COL8A1: variants seen among roughly 807,000 people sequenced by gnomAD.
COL8A1 encodes the protein collagen alpha-1(VIII) chain.
Under a neutral mutation model 42.7 loss-of-function variants are expected in COL8A1, and 21 were observed. The ratio of observed to expected loss-of-function variants is 0.49; its 90% confidence interval spans 0.35 to 0.71. The LOEUF is 0.71. Ranked by LOEUF, COL8A1 falls within the 30% of genes least tolerant of loss-of-function variation. The pLI is 0.01. For synonymous variants in COL8A1, 367 were observed against 369.1 expected (o/e 0.99, Z 0.06); for missense variants, 788 against 962.4 (o/e 0.82, Z 2.40).
In COL8A1 at chr3:99,796,485, A is replaced by G. The variant is rs1942110702; in HGVS notation, c.*349A>G. 1 of 180,906 alleles carries G rather than the reference A, an allele frequency of 5.5e-6. No homozygotes were observed. The highest frequency in any genetic ancestry group is 1.1e-5 in the Non-Finnish European group (1 of 87,630). 11.2% of individuals were successfully genotyped at this position (180,906 alleles called of 1,614,324 possible). On this transcript the variant is annotated 3_prime_UTR_variant, in exon 4 of 4. Transcript: ENST00000652472. ...AGTATGAAAGATCATAGCTAATGAA[A>G]GGCACTCACTCATATTGTTTACTTT...
At chr3:99,771,182 G>C (rs1315049975) in intron 2 of COL8A1, among the ~76,000 whole-genome samples, 2 of 152,162 alleles carry the variant, frequency 1.3e-5, no homozygotes, top group African/African-American at 2.4e-5. Context: ...ATAGGGATCT[G>C]TAAGTCACCA....
intron 1 of COL8A1, among the ~76,000 whole-genome samples, chr3:99,685,946 T>C (rs1487362279): frequency 6.6e-6 from 1 of 152,192 alleles, no homozygotes; most frequent in Admixed American, 6.5e-5. Context: ...CAATATTACA[T>C]AAAATACTTT....
At chr3:99,648,798 C>T (rs560009327) in intron 1 of COL8A1, among the ~76,000 whole-genome samples, 3 of 152,142 alleles carry the variant, frequency 2.0e-5, no homozygotes, top group East Asian at 1.9e-4. Context: ...CTCTTTGGCA[C>T]GACTTTTACC....
rs761702469 is a variant in COL8A1 at position 99,795,911 on chromosome 3, G to C, written c.2010G>C (p.Lys670Asn). ...VYYFAYHVHCKGGNVWVALFK... is the reference protein window; with the variant it reads ...VYYFAYHVHCNGGNVWVALFK... ...ACTTTGCATACCACGTTCACTGCAA[G>C]GGGGGCAACGTGTGGGTTGCTCTAT... Residue 670 changes from lysine (K) to asparagine (N), a missense_variant, in exon 4 of 4, where the codon AAG (lysine) becomes AAC (asparagine). Physicochemically the swap from Lys to Asn is moderately conservative, Grantham distance 94 (BLOSUM62 0). Around this residue, in one of 4 missense-constraint regions of COL8A1, gnomAD observed 212 missense variants for 210.9 expected, o/e 1.00. Transcript: ENST00000652472. 27 of 1,614,068 alleles carry C rather than the reference G, an allele frequency of 1.7e-5. No individual in the cohort carries two copies. Among genetic ancestry groups the C allele is most frequent in the Non-Finnish European group, 2.2e-5 (26 of 1,180,030 alleles).
intron 1 of COL8A1, among the ~76,000 whole-genome samples, chr3:99,693,175 C>T (rs1381237258): frequency 6.6e-6 from 1 of 152,044 alleles, no homozygotes; most frequent in East Asian, 1.9e-4. Flanking sequence ...GGCGACAGAG[C>T]GAGACTCTGT....
chr3:99,755,461 A>C (rs1941236256), intron 2 of COL8A1, among the ~76,000 whole-genome samples: 1 of 152,224 alleles, frequency 6.6e-6, no homozygotes, highest in Admixed American at 6.5e-5. Flanking sequence ...GCAGTGAATG[A>C]GGGCAAAAAT....
chr3:99,677,655 G>A (rs570494946), intron 1 of COL8A1: 7 of 152,088 alleles, frequency 4.6e-5, no homozygotes, highest in East Asian at 1.9e-4. Context: ...TGAATACTAC[G>A]TCAGGCAAGG....
chr3:99,766,358 C>T (rs974587033), intron 2 of COL8A1, among the ~76,000 whole-genome samples: 4 of 152,192 alleles, frequency 2.6e-5, no homozygotes, highest in African/African-American at 9.7e-5. Context: ...CCTGACAGCA[C>T]ATGATCCCCA....
intron 2 of COL8A1, among the ~76,000 whole-genome samples, chr3:99,752,462 G>T (rs369207956): frequency 6.6e-6 from 1 of 151,742 alleles, no homozygotes; most frequent in African/African-American, 2.4e-5. Flanking sequence ...CTATTTTATG[G>T]CGCCATGTGC....
At chr3:99,736,448 T>A (rs1232381881) in intron 1 of COL8A1, among the ~76,000 whole-genome samples, 1 of 152,198 alleles carries the variant, frequency 6.6e-6, no homozygotes. Flanking sequence ...TAGTTACATA[T>A]GTATACATGC....
At chr3:99,682,615 T>TAAAA (rs34375356) in intron 1 of COL8A1, among the ~76,000 whole-genome samples, 2 of 142,034 alleles carry the variant, frequency 1.4e-5, no homozygotes, top group African/African-American at 5.2e-5. Flanking sequence ...AATGTGAAAT[T>TAAAA]AAAAAAAAAA....
At chr3:99,767,289 A>G (rs1941482517) in intron 2 of COL8A1, among the ~76,000 whole-genome samples, 2 of 152,178 alleles carry the variant, frequency 1.3e-5, no homozygotes, top group South Asian at 4.1e-4. Flanking sequence ...CCTCAGACAC[A>G]AGGTTTTCAT....
chr3:99,738,214 T>TTC (rs551204110), intron 1 of COL8A1, among the ~76,000 whole-genome samples: 90 of 152,350 alleles, frequency 5.9e-4, no homozygotes, highest in Admixed American at 1.9e-3. Context: ...TGAAGCCTTC[T>TTC]TCTCTCAGCT....
chr3:99,794,994 G>A lies in COL8A1; in HGVS notation c.1093G>A (p.Gly365Arg), dbSNP rs1211606770. ...AGGACCCAAAGGTGACCGGGGCATG[G>A]GAGGTGTTCCTGGGGCTCTTGGACC... ...FPGPKGDRGMGGVPGALGPRG... is the reference protein window; with the variant it reads ...FPGPKGDRGMRGVPGALGPRG... Residue 365 changes from glycine to arginine, a missense_variant, in exon 4 of 4, where the codon GGA (glycine) becomes AGA (arginine). By Grantham distance (125) the Gly-to-Arg change is moderately radical. Around this residue, in one of 4 missense-constraint regions of COL8A1, gnomAD observed 421 missense variants for 553.1 expected, o/e 0.76. Coordinates refer to ENST00000652472, the MANE Select transcript of COL8A1 (RefSeq NM_020351.4). The surrounding 1 kb of genome is among the most constrained non-coding windows in gnomAD (Gnocchi z 4.3). 2 of 1,606,932 alleles carry A rather than the reference G, an allele frequency of 1.2e-6. No individual in the cohort carries two copies. The highest frequency in any genetic ancestry group is 1.7e-5 in the Admixed American group (1 of 59,074).
intron 1 of COL8A1, among the ~76,000 whole-genome samples, chr3:99,699,793 G>A (rs917146013): frequency 3.3e-5 from 5 of 151,858 alleles, no homozygotes; most frequent in South Asian, 2.1e-4. Context: ...TCTCTCCCCC[G>A]TCCCACCTCA....
intron 1 of COL8A1, among the ~76,000 whole-genome samples, chr3:99,657,667 A>G (rs1218390407): frequency 6.6e-6 from 1 of 152,174 alleles, no homozygotes; most frequent in African/African-American, 2.4e-5. Context: ...CCCTCCTGAT[A>G]CAGTAGAGGA....
At chr3:99,701,714 T>C (rs1939545251) in intron 1 of COL8A1, among the ~76,000 whole-genome samples, 1 of 152,238 alleles carries the variant, frequency 6.6e-6, no homozygotes, top group African/African-American at 2.4e-5. Flanking sequence ...TATATAACTC[T>C]AGAAATCATT....
At chr3:99,761,194 G>A (rs969528728) in intron 2 of COL8A1, among the ~76,000 whole-genome samples, 17 of 152,128 alleles carry the variant, frequency 1.1e-4, no homozygotes, top group African/African-American at 1.2e-4. Context: ...AACACTATAC[G>A]TCTGATATAA....
chr3:99,654,379 T>A (rs1425335584), intron 1 of COL8A1, among the ~76,000 whole-genome samples: 1 of 152,174 alleles, frequency 6.6e-6, no homozygotes, highest in Admixed American at 6.5e-5. Flanking sequence ...ATATTAACTA[T>A]CACAATTCTA....
Sources: gnomAD v4.1 joint callset for allele counts (sites outside exome capture counted in the v4.1 genomes callset) on GRCh38, gnomAD v4.1.1 for gene constraint, gnomAD v4.1.1 regional missense constraint, Gnocchi (gnomAD v3.1) non-coding constraint, MANE v1.5 for transcripts, NCBI Gene and HGNC (gene_info 2026-07-23, HGNC 2026-07-21) for gene names.